The following SUGCT variants were observed in gnomAD, a reference collection of about 807,000 sequenced individuals.
SUGCT encodes succinyl-CoA:glutarate CoA-transferase.
Under a neutral mutation model 55.0 loss-of-function variants are expected in SUGCT, and 41 were observed. That is an observed-to-expected ratio of 0.74 (90% CI 0.58 to 0.97). The LOEUF is 0.97. Among genes scored for constraint, SUGCT ranks in the 50% least tolerant of loss-of-function variants. The pLI, the probability that SUGCT is intolerant of heterozygous loss-of-function variation, is 0.00. For missense variants in SUGCT, 568 were observed against 547.8 expected (o/e 1.04, Z -0.37); for synonymous variants, 187 against 200.4 (o/e 0.93, Z 0.56).
chr7:40,262,893 C>T (rs1181028573), intron 7 of SUGCT, among the ~76,000 whole-genome samples: 1 of 152,118 alleles, frequency 6.6e-6, no homozygotes, highest in East Asian at 1.9e-4. Flanking sequence ...ATCATTTACT[C>T]TCTGTGACTT....
rs1789111503 is a variant in SUGCT at position 40,237,792 on chromosome 7, G to A, written c.576+66G>A. On this transcript the variant is annotated intron_variant, in intron 7 of 13. Coordinates refer to ENST00000335693, the MANE Select transcript of SUGCT (RefSeq NM_001193313.2). ...ACATATTCCAAAAGGATTTTACTCT[G>A]CACTAACCCATAGGATTAAATGAGT... 5.3e-6 allele frequency: 7 copies of A among 1,312,268 alleles called. No individual in the cohort carries two copies. The South Asian group carries it at 8.8e-5, about 16-fold the overall frequency. The allele number at this position is 1,312,268 out of a possible 1,614,324, so 81.3% of individuals were successfully genotyped here.
intron 12 of SUGCT, among the ~76,000 whole-genome samples, chr7:40,640,882 G>A (rs954486604): frequency 2.6e-5 from 4 of 152,226 alleles, no homozygotes; most frequent in Non-Finnish European, 5.9e-5. Flanking sequence ...TTGTGTTCCT[G>A]GTAAAGGGGA....
chr7:40,852,422 A>G (rs900729083), intron 13 of SUGCT, among the ~76,000 whole-genome samples: 2 of 152,180 alleles, frequency 1.3e-5, no homozygotes, highest in South Asian at 4.2e-4. Flanking sequence ...GCCTAGCACA[A>G]AAGTATTCCT....
chr7:40,658,333 C>T (rs1367892421), intron 12 of SUGCT, among the ~76,000 whole-genome samples: 1 of 152,160 alleles, frequency 6.6e-6, no homozygotes, highest in Non-Finnish European at 1.5e-5. Context: ...GAACCCCTTC[C>T]CCCTTTCCGT....
chr7:40,175,908 G>A (rs1277582752), intron 1 of SUGCT, among the ~76,000 whole-genome samples: 1 of 151,966 alleles, frequency 6.6e-6, no homozygotes, highest in East Asian at 1.9e-4. Context: ...AGCTCCACAT[G>A]TATTGATTTT....
At chr7:40,836,048 A>C (rs74742717) in intron 13 of SUGCT, among the ~76,000 whole-genome samples, 3,714 of 148,240 alleles carry the variant, frequency 0.025, 57 homozygotes, top group Non-Finnish European at 0.034. Flanking sequence ...TTATGTCACT[A>C]TGCCTACTAA....
the SUGCT span, among the ~76,000 whole-genome samples, chr7:41,006,016 T>G: frequency 6.6e-6 from 1 of 152,172 alleles, no homozygotes; most frequent in African/African-American, 2.4e-5. Flanking sequence ...CCTCCTAAGA[T>G]GTATTGATAA....
chr7:40,411,583 A>G (rs1786694761), intron 9 of SUGCT, among the ~76,000 whole-genome samples: 1 of 152,220 alleles, frequency 6.6e-6, no homozygotes, highest in African/African-American at 2.4e-5. Flanking sequence ...TTAAGAAGAT[A>G]GAAGTAGATT....
At chr7:40,178,770 C>CA (rs1164555217) in intron 1 of SUGCT, among the ~76,000 whole-genome samples, 2 of 152,066 alleles carry the variant, frequency 1.3e-5, no homozygotes, top group African/African-American at 4.8e-5. Context: ...AGGGACCTTC[C>CA]AATCTGGAAA....
chr7:40,322,274 T>G (rs1289803895), intron 9 of SUGCT, among the ~76,000 whole-genome samples: 1 of 152,114 alleles, frequency 6.6e-6, no homozygotes, highest in Non-Finnish European at 1.5e-5. Context: ...GCTTCAGAGG[T>G]CCCTTGTCTC....
chr7:40,681,129 A>G (rs1430377275), intron 12 of SUGCT, among the ~76,000 whole-genome samples: 1 of 152,168 alleles, frequency 6.6e-6, no homozygotes, highest in Admixed American at 6.5e-5. Flanking sequence ...CGGAATCTCC[A>G]GTGATTAGTG....
At chr7:40,842,545 T>C (rs1793329093) in intron 13 of SUGCT, among the ~76,000 whole-genome samples, 1 of 152,108 alleles carries the variant, frequency 6.6e-6, no homozygotes, top group Non-Finnish European at 1.5e-5. Context: ...TTTGCATTCT[T>C]GTTTATTTCT....
At chr7:40,706,388 T>G (rs940801022) in intron 12 of SUGCT, among the ~76,000 whole-genome samples, 1 of 152,030 alleles carries the variant, frequency 6.6e-6, no homozygotes, top group African/African-American at 2.4e-5. Flanking sequence ...ACACCTGTAG[T>G]CCCATCTACT....
intron 12 of SUGCT, among the ~76,000 whole-genome samples, chr7:40,687,265 C>T (rs77154142): frequency 0.026 from 3,890 of 152,216 alleles, 70 homozygotes; most frequent in Non-Finnish European, 0.037. Flanking sequence ...TTGTCACTCT[C>T]CAAGCAAGGG....
chr7:40,963,690 A>C, the SUGCT span, among the ~76,000 whole-genome samples: 1 of 152,216 alleles, frequency 6.6e-6, no homozygotes, highest in African/African-American at 2.4e-5. Context: ...CGATAATCCT[A>C]GTATGATTCA....
At position 40,250,397 on chromosome 7, in the gene SUGCT, C is replaced by CT. The variant is rs113538451; in HGVS notation, c.576+12683dup. On this transcript the variant is annotated intron_variant, in intron 7 of 13. Coordinates refer to ENST00000335693, the MANE Select transcript of SUGCT (RefSeq NM_001193313.2). ...CCTGGGCAACAGAGCAAGATCTTGT[C>CT]TTTTTTTTTTTTAAAGTAATTATTC... Among the ~76,000 whole-genome samples, 653 of 144,754 alleles carry CT rather than the reference C, an allele frequency of 4.5e-3. 4 individuals are homozygous for CT. Among genetic ancestry groups the CT allele is most frequent in the African/African-American group, 0.014 (553 of 39,416 alleles). 95.0% of individuals were successfully genotyped at this position (144,754 alleles called of 152,430 possible).
chr7:40,483,070 T>A (rs1422558897), intron 11 of SUGCT, among the ~76,000 whole-genome samples: 1 of 152,172 alleles, frequency 6.6e-6, no homozygotes, highest in East Asian at 1.9e-4. Context: ...CTGAGGAAAT[T>A]ACAGGAAATA....
In SUGCT at chr7:40,763,609, T is replaced by C. The variant is rs371478413; in HGVS notation, c.1153+14112T>C. 2.1e-4 allele frequency among the ~76,000 whole-genome samples: 32 copies of C among 152,248 alleles called. No individual in the cohort carries two copies. The South Asian group carries it at 6.6e-3, about 32-fold the overall frequency. On this transcript the variant is annotated intron_variant, in intron 13 of 13. Coordinates refer to ENST00000335693, the MANE Select transcript of SUGCT (RefSeq NM_001193313.2). ...ACACAGATAATCCTGTGGCATGGCT[T>C]CAGCAAGCAGCTTGCCCAAGGTTGC...
At chr7:40,711,378 C>T (rs575277231) in intron 12 of SUGCT, among the ~76,000 whole-genome samples, 14 of 152,080 alleles carry the variant, frequency 9.2e-5, no homozygotes, top group Admixed American at 4.6e-4. Flanking sequence ...GGCATGGTGG[C>T]GCACACCTGT....
Sources: gnomAD v4.1 joint callset for allele counts (sites outside exome capture counted in the v4.1 genomes callset) on GRCh38, gnomAD v4.1.1 for gene constraint, MANE v1.5 for transcripts, NCBI Gene and HGNC (gene_info 2026-07-23, HGNC 2026-07-21) for gene names.